TMEM117: variants seen among roughly 807,000 people sequenced by gnomAD.
TMEM117 encodes the protein transmembrane protein 117.
Under a neutral mutation model 52.4 loss-of-function variants are expected in TMEM117, and 27 were observed. That is an observed-to-expected ratio of 0.51 (90% CI 0.38 to 0.71). The LOEUF (loss-of-function observed/expected upper bound fraction) is 0.71. Ranked by LOEUF, TMEM117 falls within the 30% of genes least tolerant of loss-of-function variation. The probability of loss-of-function intolerance (pLI) is 0.00; values close to 1 mark genes in which losing one functional copy is unlikely to be tolerated. For missense variants in TMEM117, 556 were observed against 630.5 expected, an observed-to-expected ratio of 0.88 and a Z score of 1.26; for synonymous variants, 215 against 206.3, an observed-to-expected ratio of 1.04 and a Z score of -0.36.
intron 2 of TMEM117, among the ~76,000 whole-genome samples, chr12:43,931,751 C>T (rs1026022736): frequency 3.3e-5 from 5 of 152,072 alleles, no homozygotes; most frequent in African/African-American, 1.2e-4. Context: ...TATCTGAATT[C>T]TGAGGATTTA....
intron 3 of TMEM117, among the ~76,000 whole-genome samples, chr12:43,966,085 T>A (rs1342950306): frequency 6.6e-6 from 1 of 152,224 alleles, no homozygotes; most frequent in Admixed American, 6.5e-5. Flanking sequence ...CGTGATCTCA[T>A]TCTTTTTTAT....
intron 2 of TMEM117, among the ~76,000 whole-genome samples, chr12:43,896,863 T>C (rs542741425): frequency 6.6e-6 from 1 of 152,344 alleles, no homozygotes; most frequent in Non-Finnish European, 1.5e-5. Context: ...TTTCAGTTTA[T>C]GGTGGGTGTT....
intron 3 of TMEM117, among the ~76,000 whole-genome samples, chr12:44,032,094 T>C (rs926280723): frequency 1.3e-5 from 2 of 152,198 alleles, no homozygotes; most frequent in African/African-American, 4.8e-5. Context: ...TATTTGATGG[T>C]ACAAACCCAT....
intron 6 of TMEM117, among the ~76,000 whole-genome samples, chr12:44,324,798 T>C (rs1951175054): frequency 1.3e-5 from 2 of 152,186 alleles, no homozygotes; most frequent in African/African-American, 4.8e-5. Context: ...TTTTAATGAA[T>C]GCATTGTAAT....
the TMEM117 span, among the ~76,000 whole-genome samples, chr12:43,816,753 A>C: frequency 6.6e-6 from 1 of 152,368 alleles, no homozygotes; most frequent in East Asian, 1.9e-4. Flanking sequence ...ACTATGAACT[A>C]AACATTCTCT....
chr12:44,269,318 T>C lies in TMEM117; in HGVS notation c.609-30262T>C, dbSNP rs118162366. ...CTCCTTAATGACTACACAACCCTTC[T>C]TGTAATTGACTCCTTTTGTTTTAAA... On this transcript the variant is annotated intron_variant, in intron 5 of 7. Transcript: ENST00000266534. Among the ~76,000 whole-genome samples, 361 of 152,262 alleles carry C rather than the reference T, an allele frequency of 2.4e-3. 11 individuals carry two copies. In the East Asian group the frequency reaches 0.034, roughly 14 times the overall value.
At chr12:44,105,686 C>T (rs1346035528) in intron 3 of TMEM117, among the ~76,000 whole-genome samples, 1 of 152,002 alleles carries the variant, frequency 6.6e-6, no homozygotes, top group African/African-American at 2.4e-5. Flanking sequence ...CCTTCACCAA[C>T]CTCCTGGCCC....
At chr12:44,176,491 T>G (rs1949118128) in intron 4 of TMEM117, among the ~76,000 whole-genome samples, 1 of 152,196 alleles carries the variant, frequency 6.6e-6, no homozygotes, top group Non-Finnish European at 1.5e-5. Context: ...AGAGCTATGA[T>G]TTGTTTATCC....
downstream of TMEM117, among the ~76,000 whole-genome samples, chr12:44,393,372 C>A (rs1952169440): frequency 6.6e-6 from 1 of 151,824 alleles, no homozygotes; most frequent in Non-Finnish European, 1.5e-5. Context: ...CAGATCTTTG[C>A]TTAATTCTCA....
chr12:44,228,067 T>A (rs1361945201), intron 5 of TMEM117, among the ~76,000 whole-genome samples: 1 of 151,998 alleles, frequency 6.6e-6, no homozygotes, highest in African/African-American at 2.4e-5. Context: ...AGGGGAGAGT[T>A]GGCAGCAGTC....
At chr12:44,031,243 T>C (rs926449343) in intron 3 of TMEM117, among the ~76,000 whole-genome samples, 7 of 152,210 alleles carry the variant, frequency 4.6e-5, no homozygotes, top group Admixed American at 6.5e-5. Flanking sequence ...ATAATTCTGA[T>C]ATAACTTAGT....
the TMEM117 span, among the ~76,000 whole-genome samples, chr12:43,808,170 T>C: frequency 6.6e-6 from 1 of 152,240 alleles, no homozygotes; most frequent in Non-Finnish European, 1.5e-5. Context: ...GAGGATCTTA[T>C]AGATCTTGAC....
intron 5 of TMEM117, chr12:44,263,702 A>G (rs1039552335): frequency 1.3e-5 from 2 of 152,202 alleles, no homozygotes; most frequent in East Asian, 3.9e-4. Flanking sequence ...TGCCACTTAG[A>G]TAAGAGGGGT....
chr12:43,907,809 A>T (rs1215490553), intron 2 of TMEM117, among the ~76,000 whole-genome samples: 3 of 141,398 alleles, frequency 2.1e-5, no homozygotes, highest in Non-Finnish European at 4.7e-5. Flanking sequence ...AAGAATAAAA[A>T]GAAATGAGCA....
intron 6 of TMEM117, among the ~76,000 whole-genome samples, chr12:44,323,497 G>T (rs1712234829): frequency 6.6e-6 from 1 of 152,006 alleles, no homozygotes; most frequent in African/African-American, 2.4e-5. Context: ...TGAACATCCA[G>T]CTCACGGGCT....
At chr12:44,367,233 C>T (rs1027297291) in intron 6 of TMEM117, among the ~76,000 whole-genome samples, 5 of 152,086 alleles carry the variant, frequency 3.3e-5, no homozygotes, top group Admixed American at 2.0e-4. Context: ...CTACTTCTCA[C>T]CTCCCATTTT....
intron 2 of TMEM117, among the ~76,000 whole-genome samples, chr12:43,887,893 G>GT (rs1373812976): frequency 1.3e-5 from 2 of 152,172 alleles, no homozygotes; most frequent in African/African-American, 4.8e-5. Context: ...GAGACCATTT[G>GT]TTTGTTTCAT....
At chr12:44,100,097 A>G (rs1947836438) in intron 3 of TMEM117, among the ~76,000 whole-genome samples, 1 of 152,040 alleles carries the variant, frequency 6.6e-6, no homozygotes, top group South Asian at 2.1e-4. Context: ...AGTTTAATTC[A>G]GTTCATTTAT....
intron 6 of TMEM117, among the ~76,000 whole-genome samples, chr12:44,367,432 A>G (rs2078806212): frequency 6.6e-6 from 1 of 152,024 alleles, no homozygotes; most frequent in Non-Finnish European, 1.5e-5. Flanking sequence ...ACACTTTTTT[A>G]CCTGGCTTCT....
Sources: gnomAD v4.1 joint callset for allele counts (sites outside exome capture counted in the v4.1 genomes callset) on GRCh38, gnomAD v4.1.1 for gene constraint, MANE v1.5 for transcripts, NCBI Gene and HGNC (gene_info 2026-07-23, HGNC 2026-07-21) for gene names.